SPAG1: variants seen among roughly 807,000 people sequenced by gnomAD.
SPAG1 encodes sperm associated antigen 1.
SPAG1 carries 69 observed loss-of-function variants against 100.5 expected under a neutral mutation model. The observed-to-expected ratio is 0.69, with a 90% CI of 0.57 to 0.84. The LOEUF (loss-of-function observed/expected upper bound fraction) is 0.84. Among genes scored for constraint, SPAG1 ranks in the 40% least tolerant of loss-of-function variants. The probability of loss-of-function intolerance (pLI) is 0.00; values close to 1 mark genes in which losing one functional copy is unlikely to be tolerated. For missense variants in SPAG1, 955 were observed against 1,133.1 expected, an observed-to-expected ratio of 0.84 and a Z score of 2.26; for synonymous variants, 336 against 411.6, an observed-to-expected ratio of 0.82 and a Z score of 2.22.
At chr8:100,193,992 A>G (rs1031316907) in intron 9 of SPAG1, 120 bp from the exon 10 acceptor site, 65 of 902,594 alleles carry the variant, frequency 7.2e-5, no homozygotes, top group Non-Finnish European at 9.6e-5. Context: ...AAGGCCACCA[A>G]AAAAAAGCCT....
chr8:100,162,497 C>A, intron 2 of SPAG1, 77 bp downstream of exon 2: 1 of 1,192,660 alleles, frequency 8.4e-7, no homozygotes, highest in Non-Finnish European at 1.2e-6. Flanking sequence ...AAGGTAAAAG[C>A]TACATTAGAA....
chr8:100,213,761 G>T, intron 11 of SPAG1, 58 bp from the exon 12 acceptor site: 1 of 1,102,250 alleles, frequency 9.1e-7, no homozygotes, highest in Non-Finnish European at 1.4e-6. Flanking sequence ...TTGTAATTCT[G>T]GTGAACTGTG....
At position 100,187,257 on chromosome 8, in the gene SPAG1, A is replaced by C; in HGVS notation, c.832+7A>C. The C allele has an allele frequency of 6.3e-7, 1 of 1,595,280 alleles. No individual in the cohort carries two copies. Among genetic ancestry groups the C allele is most frequent in the Non-Finnish European group, 8.5e-7 (1 of 1,170,448 alleles). On this transcript the variant is annotated splice_region_variant and intron_variant, in intron 8 of 18. Coordinates refer to ENST00000388798, the MANE Select transcript of SPAG1 (RefSeq NM_003114.5). ...GAACCTGGAAACGTAAAGGGTAAAAAATATTATAGAATTCTTTTACATTTA... is the reference window on the plus strand; with the variant it reads ...GAACCTGGAAACGTAAAGGGTAAAACATATTATAGAATTCTTTTACATTTA...
chr8:100,222,561 AAAGT>A (rs945670375), intron 13 of SPAG1, among the ~76,000 whole-genome samples: 2 of 152,090 alleles, frequency 1.3e-5, no homozygotes, highest in Admixed American at 1.3e-4. Flanking sequence ...AGAGCTGGAG[AAAGT>A]AAGATCTTCT....
chr8:100,203,027 A>G (rs1817355282), intron 10 of SPAG1, among the ~76,000 whole-genome samples: 1 of 152,198 alleles, frequency 6.6e-6, no homozygotes, highest in Non-Finnish European at 1.5e-5. Flanking sequence ...ATTGAAGGAT[A>G]CAAAGTATTG....
intron 14 of SPAG1, among the ~76,000 whole-genome samples, chr8:100,226,714 AT>A (rs993445689): frequency 2.0e-5 from 3 of 152,100 alleles, no homozygotes; most frequent in African/African-American, 4.8e-5. Context: ...AAAAAAAAAA[AT>A]TTAAATAACA....
chr8:100,166,028 TACTTC>T, intron 3 of SPAG1, 55 bp downstream of exon 3: 1 of 1,433,930 alleles, frequency 7.0e-7, no homozygotes, highest in Non-Finnish European at 9.6e-7. Context: ...TATATATGTT[TACTTC>T]ACTTATCGGA....
Position 100,213,488 on chromosome 8 carries a change from CG to C in SPAG1, c.1435+64del. The C allele has an allele frequency of 5.4e-6, 7 of 1,286,006 alleles. No homozygotes were observed. The South Asian group carries it at 5.7e-5, about 10-fold the overall frequency. 79.7% of individuals were successfully genotyped at this position (1,286,006 alleles called of 1,614,324 possible). A position where few individuals can be genotyped will look rare whatever the true frequency, so the allele number is the denominator to read the frequency against. On this transcript the variant is annotated intron_variant, in intron 11 of 18. Coordinates refer to ENST00000388798, the MANE Select transcript of SPAG1 (RefSeq NM_003114.5). The stretch of plus-strand genomic sequence containing the variant: ...CTCGCGCTGCGGTTCACCCGACCTC[CG>C]GGGCCCCCGTGGGAGAGGCGCTGCC...
At chr8:100,189,125 A>G (rs1011264593) in intron 8 of SPAG1, among the ~76,000 whole-genome samples, 1 of 151,678 alleles carries the variant, frequency 6.6e-6, no homozygotes, top group African/African-American at 2.4e-5. Context: ...TGAGGTTAGG[A>G]GTTCGAGACC....
At position 100,206,467 on chromosome 8, in the gene SPAG1, C is replaced by T. The variant is rs79563161; in HGVS notation, c.1097-6623C>T. On this transcript the variant is annotated intron_variant, in intron 10 of 18. Coordinates refer to ENST00000388798, the MANE Select transcript of SPAG1 (RefSeq NM_003114.5). ...TCACACTGGTACATTATATTGATGACGTTATGCTGACTGGACCTAGCGAGC... is the reference window on the plus strand; with the variant it reads ...TCACACTGGTACATTATATTGATGATGTTATGCTGACTGGACCTAGCGAGC... Among the ~76,000 whole-genome samples, 143 of 152,322 alleles carry T rather than the reference C, an allele frequency of 9.4e-4. 3 individuals carry two copies. The East Asian group carries it at 0.02, about 21-fold the overall frequency.
Position 100,228,259 on chromosome 8 carries a change from T to C in SPAG1, c.1856-2897T>C, listed in dbSNP as rs143853607. On this transcript the variant is annotated intron_variant, in intron 14 of 18. Coordinates refer to ENST00000388798, the MANE Select transcript of SPAG1 (RefSeq NM_003114.5). ...CAGAGGGACAAATAAGATTATTGTT[T>C]ACATTCTGAGTTTATATTATAAATT... 1.4e-3 allele frequency among the ~76,000 whole-genome samples: 206 copies of C among 152,200 alleles called. 1 individual carries two copies. The highest frequency in any genetic ancestry group is 4.6e-3 in the African/African-American group (190 of 41,514).
chr8:100,212,712 A>C (rs1318803162), intron 10 of SPAG1, among the ~76,000 whole-genome samples: 1 of 152,238 alleles, frequency 6.6e-6, no homozygotes, highest in East Asian at 1.9e-4. Context: ...AATTGTATTC[A>C]AGTTTTTGCA....
Position 100,220,392 on chromosome 8 carries a change from T to C in SPAG1, c.1649T>C (p.Ile550Thr). 2 of 1,613,898 alleles carry C rather than the reference T, an allele frequency of 1.2e-6. No homozygotes were observed. The highest frequency in any genetic ancestry group is 1.1e-5 in the South Asian group (1 of 91,040). ...AYVDYKTVLQ[I>T]DCGLQLANDS... ...GTGGATTATAAAACAGTGTTGCAGA[T>C]AGACTGTGGACTCCAGCTAGCAAAT... is the stretch of plus-strand genomic sequence containing the variant. The change falls in exon 13 of 19, where the codon ATA becomes ACA. Residue 550 changes from isoleucine to threonine, a missense_variant. Transcript: ENST00000388798.
intron 11 of SPAG1, 106 bp downstream of exon 11, chr8:100,213,534 C>T: frequency 1.1e-6 from 1 of 916,450 alleles, no homozygotes; most frequent in South Asian, 3.3e-5. Flanking sequence ...ATGACAGGCG[C>T]CGGCATCGCT....
At chr8:100,213,022 T>TCCGCGGCCC (rs536980630) in intron 10 of SPAG1, 68 bp from the exon 11 acceptor site, 1 of 1,263,986 alleles carries the variant, frequency 7.9e-7, no homozygotes, top group Non-Finnish European at 1.0e-6. Context: ...CCCCGCGGCC[T>TCCGCGGCCC]CCGCGGCCTC....
intron 1 of SPAG1, among the ~76,000 whole-genome samples, chr8:100,162,023 G>A (rs1057470849): frequency 6.6e-6 from 1 of 152,146 alleles, no homozygotes; most frequent in African/African-American, 2.4e-5. Flanking sequence ...CCAACCCTCA[G>A]TTTGGTCCAG....
At chr8:100,159,701 A>G (rs151165835) in intron 1 of SPAG1, among the ~76,000 whole-genome samples, 1 of 152,358 alleles carries the variant, frequency 6.6e-6, no homozygotes, top group East Asian at 1.9e-4. Context: ...ATTTACTTTA[A>G]TGTTATATGT....
chr8:100,219,080 T>C (rs768288127), intron 12 of SPAG1, among the ~76,000 whole-genome samples: 1 of 152,204 alleles, frequency 6.6e-6, no homozygotes, highest in Non-Finnish European at 1.5e-5. Context: ...ACCCACATAA[T>C]GAACATATTA....
rs1817812753 is a variant in SPAG1 at position 100,213,248 on chromosome 8, C to G, written c.1255C>G (p.Pro419Ala). ...GGAGGCCGGCGCGGACAAGCGGAGC[C>G]CACGGCGGGCCTCTGCGGCGGCGGC... ...TPEAGADKRSPRRASAAAAAG... is the reference protein window; with the variant it reads ...TPEAGADKRSARRASAAAAAG... Residue 419 changes from proline (P) to alanine (A), a missense_variant, in exon 11 of 19, where the codon CCA becomes GCA. Pro to Ala is a conservative substitution (Grantham distance 27). Coordinates refer to ENST00000388798, the MANE Select transcript of SPAG1 (RefSeq NM_003114.5). The G allele has an allele frequency of 8.1e-7, 1 of 1,226,998 alleles. No individual in the cohort carries two copies. The highest frequency in any genetic ancestry group is 1.0e-6 in the Non-Finnish European group (1 of 987,280). 76.0% of individuals were successfully genotyped at this position (1,226,998 alleles called of 1,614,324 possible).
Sources: gnomAD v4.1 joint callset for allele counts (sites outside exome capture counted in the v4.1 genomes callset) on GRCh38, gnomAD v4.1.1 for gene constraint, MANE v1.5 for transcripts, NCBI Gene and HGNC (gene_info 2026-07-23, HGNC 2026-07-21) for gene names.